PCCA: variants seen among roughly 807,000 people sequenced by gnomAD.
PCCA encodes the protein propionyl-CoA carboxylase alpha chain, mitochondrial.
Under a neutral mutation model 101.3 loss-of-function variants are expected in PCCA, and 74 were observed. The observed-to-expected ratio is 0.73, with a 90% CI of 0.61 to 0.89. PCCA has a LOEUF of 0.89. Among genes scored for constraint, PCCA ranks in the 40% least tolerant of loss-of-function variants. PCCA has a pLI of 0.00. For missense variants in PCCA, 891 were observed against 907.0 expected (o/e 0.98, Z 0.23); for synonymous variants, 294 against 313.6 (o/e 0.94, Z 0.66).
intron 4 of PCCA, among the ~76,000 whole-genome samples, chr13:100,113,584 T>C (rs1023965945): frequency 2.0e-5 from 3 of 149,322 alleles, no homozygotes; most frequent in Admixed American, 6.7e-5. Context: ...CTCTTTCTTT[T>C]TTTTTTTTTT....
At chr13:100,310,241 G>A (rs892135749) in intron 16 of PCCA, among the ~76,000 whole-genome samples, 2 of 152,100 alleles carry the variant, frequency 1.3e-5, no homozygotes, top group Non-Finnish European at 2.9e-5. Flanking sequence ...TGGGACACAC[G>A]TTCAGTTTAT....
At chr13:100,374,696 G>A (rs192455293) in intron 19 of PCCA, among the ~76,000 whole-genome samples, 2 of 152,232 alleles carry the variant, frequency 1.3e-5, no homozygotes, top group African/African-American at 4.8e-5. Flanking sequence ...CCTAGCGATG[G>A]AAAAAGGAGC....
chr13:100,281,382 T>G (rs1393154688), intron 12 of PCCA, among the ~76,000 whole-genome samples: 1 of 152,236 alleles, frequency 6.6e-6, no homozygotes, highest in Non-Finnish European at 1.5e-5. Flanking sequence ...GAAAAGACAT[T>G]AAATGTGTGT....
chr13:100,394,781 C>CT lies in PCCA; in HGVS notation c.1746+26208dup, dbSNP rs1273499875. 6.6e-6 allele frequency among the ~76,000 whole-genome samples: 1 copy of CT among 152,150 alleles called. No individual in the cohort carries two copies. Among genetic ancestry groups the CT allele is most frequent in the African/African-American group, 2.4e-5 (1 of 41,428 alleles). On this transcript the variant is annotated intron_variant, in intron 19 of 23. Coordinates refer to ENST00000376285, the MANE Select transcript of PCCA (RefSeq NM_000282.4). The surrounding 1 kb of genome is among the most constrained non-coding windows in gnomAD (Gnocchi z 4.3). ...TATGTTTTTTAAAAAATATGTCCTACTACTAATATTTTTTAAATTATCCCT... is the reference window on the plus strand; with the variant it reads ...TATGTTTTTTAAAAAATATGTCCTACTTACTAATATTTTTTAAATTATCCCT...
At chr13:100,397,032 T>C (rs562030540) in intron 19 of PCCA, among the ~76,000 whole-genome samples, 10 of 152,302 alleles carry the variant, frequency 6.6e-5, no homozygotes, top group Non-Finnish European at 1.2e-4. Context: ...GGTTTGATCC[T>C]TGTCCATTTA....
chr13:100,094,928 A>G (rs2046633155), intron 1 of PCCA, among the ~76,000 whole-genome samples: 1 of 152,194 alleles, frequency 6.6e-6, no homozygotes, highest in Non-Finnish European at 1.5e-5. Context: ...TTGGTTTCCT[A>G]GAGCTGCTGT....
At chr13:100,509,193 C>G (rs150058472) in intron 21 of PCCA, among the ~76,000 whole-genome samples, 144 of 152,306 alleles carry the variant, frequency 9.5e-4, no homozygotes, top group East Asian at 8.1e-3. Context: ...TGCCAGTAGA[C>G]GGATATGTTA....
In PCCA at chr13:100,193,481, C is replaced by T. The variant is rs1425978408; in HGVS notation, c.469-15851C>T. Among the ~76,000 whole-genome samples the T allele has an allele frequency of 2.6e-5, 4 of 152,298 alleles. No homozygotes were observed. The South Asian group carries it at 8.3e-4, about 32-fold the overall frequency. On this transcript the variant is annotated intron_variant, in intron 6 of 23. Coordinates refer to ENST00000376285, the MANE Select transcript of PCCA (RefSeq NM_000282.4). ...TGAATCTGATGACTGAAATGCTAAT[C>T]TATAAAATGGTTTTTTAGTAATAAA...
intron 19 of PCCA, among the ~76,000 whole-genome samples, chr13:100,409,273 C>T (rs2077877882): frequency 6.6e-6 from 1 of 152,190 alleles, no homozygotes; most frequent in South Asian, 2.1e-4. Context: ...GGTTTTGAGT[C>T]CCCATTTCAC....
intron 20 of PCCA, among the ~76,000 whole-genome samples, chr13:100,435,672 A>G (rs1042850898): frequency 1.3e-5 from 2 of 152,198 alleles, no homozygotes; most frequent in African/African-American, 4.8e-5. Context: ...TGGCGTTTTG[A>G]ACAAAGAATT....
chr13:100,143,561 A>T (rs1162466641), intron 4 of PCCA, among the ~76,000 whole-genome samples: 1 of 151,622 alleles, frequency 6.6e-6, no homozygotes, highest in Non-Finnish European at 1.5e-5. Flanking sequence ...TAAAAAAAAA[A>T]AATAAAAATC....
At chr13:100,241,969 C>G (rs2061165533) in intron 8 of PCCA, among the ~76,000 whole-genome samples, 1 of 152,042 alleles carries the variant, frequency 6.6e-6, no homozygotes, top group Admixed American at 6.6e-5. Flanking sequence ...AATTATTTTC[C>G]ATGGTGGCTG....
intron 19 of PCCA, among the ~76,000 whole-genome samples, chr13:100,391,266 C>G (rs116668589): frequency 4.7e-4 from 71 of 152,258 alleles, no homozygotes; most frequent in African/African-American, 1.4e-3. Context: ...ACCACCACAC[C>G]CAGCCTCTGT....
intron 18 of PCCA, among the ~76,000 whole-genome samples, chr13:100,361,494 T>C (rs2074591400): frequency 7.9e-5 from 12 of 151,750 alleles, no homozygotes; most frequent in Non-Finnish European, 1.5e-5. Context: ...TTAAGAAAAT[T>C]CATAAGCAAA....
At chr13:100,528,553 C>G (rs2088061868) in intron 23 of PCCA, among the ~76,000 whole-genome samples, 1 of 152,232 alleles carries the variant, frequency 6.6e-6, no homozygotes, top group South Asian at 2.1e-4. Context: ...TGCTCTGTCA[C>G]TGCAGAAGGC....
intron 6 of PCCA, among the ~76,000 whole-genome samples, chr13:100,174,790 T>TA (rs2056083576): frequency 6.6e-6 from 1 of 151,200 alleles, no homozygotes; most frequent in South Asian, 2.1e-4. Flanking sequence ...ACCACAGAGA[T>TA]AAAATCATAT....
intron 21 of PCCA, among the ~76,000 whole-genome samples, chr13:100,509,831 G>T (rs1466432810): frequency 6.6e-6 from 1 of 150,832 alleles, no homozygotes; most frequent in Non-Finnish European, 1.5e-5. Context: ...TGTTTTTTTT[G>T]TTTTGTTTTG....
intron 20 of PCCA, among the ~76,000 whole-genome samples, chr13:100,445,235 C>T (rs1395275822): frequency 6.6e-6 from 1 of 152,108 alleles, no homozygotes; most frequent in Non-Finnish European, 1.5e-5. Context: ...CCCAATGATC[C>T]ACACACCCCC....
At chr13:100,410,175 A>T (rs1485570306) in intron 19 of PCCA, among the ~76,000 whole-genome samples, 1 of 152,228 alleles carries the variant, frequency 6.6e-6, no homozygotes. Flanking sequence ...CTGTCCAAAT[A>T]GCCTGACTAA....
Sources: allele counts gnomAD v4.1 joint callset (sites outside exome capture counted in the v4.1 genomes callset), GRCh38; gene constraint gnomAD v4.1.1; non-coding constraint Gnocchi (gnomAD v3.1); transcripts MANE v1.5; gene names NCBI Gene and HGNC (gene_info 2026-07-23, HGNC 2026-07-21).